The following BPIFA1 variants were observed in gnomAD, a reference collection of about 807,000 sequenced individuals.
The protein encoded by BPIFA1 is BPI fold-containing family A member 1.
A neutral mutation model predicts 25.1 loss-of-function variants in BPIFA1; 24 were observed. The ratio of observed to expected loss-of-function variants is 0.96; its 90% confidence interval spans 0.69 to 1.35. BPIFA1 has a LOEUF of 1.35. BPIFA1 is among the 40% of genes most tolerant of loss of function. The pLI, the probability that BPIFA1 is intolerant of heterozygous loss-of-function variation, is 0.00. For missense variants in BPIFA1, 344 were observed against 303.7 expected (o/e 1.13, Z -0.99); for synonymous variants, 139 against 131.8 (o/e 1.05, Z -0.37).
intron 8 of BPIFA1, among the ~76,000 whole-genome samples, chr20:33,242,883 C>G (rs1193164373): frequency 6.6e-6 from 1 of 152,084 alleles, no homozygotes; most frequent in African/African-American, 2.4e-5. Flanking sequence ...CACACACACT[C>G]TCACCCAGCA....
intron 3 of BPIFA1, 54 bp downstream of exon 3, chr20:33,238,268 A>G (rs1978794980): frequency 3.2e-6 from 5 of 1,561,274 alleles, no homozygotes; most frequent in South Asian, 2.4e-5. Flanking sequence ...CCAGGTGAAG[A>G]TCTGCCAGCC....
At chr20:33,238,023 T>C in intron 2 of BPIFA1, 32 bp from the exon 3 acceptor site, 2 of 1,596,198 alleles carry the variant, frequency 1.3e-6, no homozygotes, top group Non-Finnish European at 8.5e-7. Context: ...TTGTCAGATC[T>C]GACCCCCAGA....
At position 33,242,577 on chromosome 20, in the gene BPIFA1, CA is replaced by C. The variant is rs756252206; in HGVS notation, c.*34+17del. On this transcript the variant is annotated intron_variant, in intron 8 of 8. Transcript: ENST00000354297. Reference sequence around the variant, plus strand: ...TGCTGAGCTGGTAAGTGCCCTTCCCCACACCCCAGGGTTTTGGGGGCTGGCT... The same window carrying C: ...TGCTGAGCTGGTAAGTGCCCTTCCCCCACCCCAGGGTTTTGGGGGCTGGCT... The C allele has an allele frequency of 3.2e-6, 5 of 1,585,866 alleles. No homozygotes were observed. In the Admixed American group the frequency reaches 8.3e-5, roughly 26 times the overall value.
Position 33,238,080 on chromosome 20 carries a change from G to A in BPIFA1, c.186G>A (p.Gly62=), listed in dbSNP as rs1197258337. Residue 62 remains glycine (G), a synonymous_variant, in exon 3 of 9, where the codon GGG becomes GGA. Transcript: ENST00000354297. ...TNALSNGLLS[G]GLLGILENLP... ...CCCTCAGCAATGGCCTGCTGTCTGG[G>A]GGCCTGTTGGGCATTCTGGAAAACC... The A allele has an allele frequency of 3.7e-6, 6 of 1,613,810 alleles. No homozygotes were observed. Among genetic ancestry groups the A allele is most frequent in the Non-Finnish European group, 5.1e-6 (6 of 1,179,914 alleles).
chr20:33,241,091 C>G (rs1978958063), intron 5 of BPIFA1, among the ~76,000 whole-genome samples: 1 of 152,180 alleles, frequency 6.6e-6, no homozygotes, highest in Non-Finnish European at 1.5e-5. Flanking sequence ...ATCATAATGA[C>G]AACTACATAC....
chr20:33,239,122 T>C (rs1034167404), intron 3 of BPIFA1, among the ~76,000 whole-genome samples: 1 of 152,078 alleles, frequency 6.6e-6, no homozygotes, highest in Non-Finnish European at 1.5e-5. Flanking sequence ...CCCTGCTTGA[T>C]GGGTGCGGTC....
intron 8 of BPIFA1, among the ~76,000 whole-genome samples, 193 bp downstream of exon 8, chr20:33,242,754 G>A (rs1979044356): frequency 6.6e-6 from 1 of 152,138 alleles, no homozygotes; most frequent in South Asian, 2.1e-4. Context: ...CAGCAACACA[G>A]CTACCAAGAG....
Position 33,237,701 on chromosome 20 carries a change from T to C in BPIFA1, c.-11T>C. The C allele has an allele frequency of 6.9e-7, 1 of 1,446,824 alleles. No individual in the cohort carries two copies. The highest frequency in any genetic ancestry group is 9.1e-7 in the Non-Finnish European group (1 of 1,096,120). 89.6% of individuals were successfully genotyped at this position (1,446,824 alleles called of 1,614,324 possible). On this transcript the variant is annotated 5_prime_UTR_variant, in exon 2 of 9. Transcript: ENST00000354297. The stretch of plus-strand genomic sequence containing the variant: ...GACTTGTCATTCTGGCCACAGATAC[T>C]AAGAGCAAAGATGTTTCAAACTGGG...
Position 33,242,116 on chromosome 20 carries a change from G to C in BPIFA1, c.727G>C (p.Val243Leu), listed in dbSNP as rs1329806181. ...GLDITLVHDI[V>L]NMLIHGLQFV... is the part of the protein sequence containing the mutation. ...GGACATCACCCTGGTGCATGACATTGTTAGTAAGTACCTGCTTTCAAGCCC... is the reference window on the plus strand; with the variant it reads ...GGACATCACCCTGGTGCATGACATTCTTAGTAAGTACCTGCTTTCAAGCCC... Residue 243 changes from valine (V) to leucine (L), a missense_variant, in exon 7 of 9, where the codon GTT (valine) becomes CTT (leucine). Transcript: ENST00000354297. The C allele has an allele frequency of 1.2e-6, 2 of 1,613,910 alleles. No individual in the cohort carries two copies. Among genetic ancestry groups the C allele is most frequent in the South Asian group, 1.1e-5 (1 of 91,072 alleles).
rs750552385 is a variant in BPIFA1 at position 33,242,540 on chromosome 20, G to T, written c.*13G>T. 6.2e-7 allele frequency: 1 copy of T among 1,613,886 alleles called. No homozygotes were observed. The highest frequency in any genetic ancestry group is 1.1e-5 in the South Asian group (1 of 91,072). ...CATCAAGGTCTAAGCCTTCCAGGAAGGGGCTGGCCTCTGCTGAGCTGGTAA... is the reference window on the plus strand; with the variant it reads ...CATCAAGGTCTAAGCCTTCCAGGAATGGGCTGGCCTCTGCTGAGCTGGTAA... On this transcript the variant is annotated 3_prime_UTR_variant, in exon 8 of 9. Coordinates refer to ENST00000354297, the MANE Select transcript of BPIFA1 (RefSeq NM_130852.3).
At position 33,242,111 on chromosome 20, in the gene BPIFA1, A is replaced by T; in HGVS notation, c.722A>T (p.Asp241Val). 6.2e-7 allele frequency: 1 copy of T among 1,614,078 alleles called. No individual in the cohort carries two copies. The highest frequency in any genetic ancestry group is 1.3e-5 in the African/African-American group (1 of 75,030). ...GGCTTGGACATCACCCTGGTGCATG[A>T]CATTGTTAGTAAGTACCTGCTTTCA... ...LRGLDITLVH[D>V]IVNMLIHGLQ... is the part of the protein sequence containing the mutation. The change falls in exon 7 of 9, where the codon GAC becomes GTC. Residue 241 changes from aspartate (D) to valine (V), a missense_variant. Asp to Val is a radical substitution (Grantham distance 152, BLOSUM62 -3). Transcript: ENST00000354297.
At position 33,242,553 on chromosome 20, in the gene BPIFA1, G is replaced by C; in HGVS notation, c.*26G>C. On this transcript the variant is annotated 3_prime_UTR_variant, in exon 8 of 9. Coordinates refer to ENST00000354297, the MANE Select transcript of BPIFA1 (RefSeq NM_130852.3). ...GCCTTCCAGGAAGGGGCTGGCCTCT[G>C]CTGAGCTGGTAAGTGCCCTTCCCCA... is the stretch of plus-strand genomic sequence containing the variant. 6.2e-7 allele frequency: 1 copy of C among 1,612,744 alleles called. No individual in the cohort carries two copies. Among genetic ancestry groups the C allele is most frequent in the Non-Finnish European group, 8.5e-7 (1 of 1,178,760 alleles).
chr20:33,242,617 T>C lies in BPIFA1; in HGVS notation c.*34+56T>C, dbSNP rs1008054001. 94 of 1,318,006 alleles carry C rather than the reference T, an allele frequency of 7.1e-5. No individual in the cohort carries two copies. The Middle Eastern group carries it at 1.7e-3, about 24-fold the overall frequency. The allele number at this position is 1,318,006 out of a possible 1,614,324, so 81.6% of individuals were successfully genotyped here. A position where few individuals can be genotyped will look rare whatever the true frequency, so the allele number is the denominator to read the frequency against. On this transcript the variant is annotated intron_variant, in intron 8 of 8. Transcript: ENST00000354297. ...TGGGGGCTGGCTGTTCTTCTCCTGG[T>C]AGAAGGCAGACGGGAGCTTGGGACA...
Position 33,240,344 on chromosome 20 carries a change from C to T in BPIFA1, c.540C>T (p.Cys180=), listed in dbSNP as rs774352860. Reference sequence around the variant, plus strand: ...GGATCCACCTGGTCCTTGGTGACTGCACCCATTCCCCTGGAAGCCTGCAAA... The same window carrying T: ...GGATCCACCTGGTCCTTGGTGACTGTACCCATTCCCCTGGAAGCCTGCAAA... ...QERIHLVLGD[C]THSPGSLQIS... is the part of the protein sequence containing the mutation. Residue 180 remains cysteine, a synonymous_variant, in exon 5 of 9, where the codon TGC becomes TGT. Transcript: ENST00000354297. 1.2e-6 allele frequency: 2 copies of T among 1,614,008 alleles called. No individual in the cohort carries two copies. The highest frequency in any genetic ancestry group is 1.3e-5 in the African/African-American group (1 of 74,892).
At chr20:33,242,215 C>T (rs1979012808) in intron 7 of BPIFA1, 96 bp downstream of exon 7, 4 of 1,279,988 alleles carry the variant, frequency 3.1e-6, no homozygotes, top group African/African-American at 2.9e-5. Context: ...TACTAGGTCC[C>T]TCTGGCCTCA....
chr20:33,241,823 C>T (rs1038265889), intron 6 of BPIFA1, among the ~76,000 whole-genome samples: 1 of 152,218 alleles, frequency 6.6e-6, no homozygotes, highest in Admixed American at 6.5e-5. Flanking sequence ...CACTTAGAAT[C>T]AGATGTGATG....
chr20:33,239,349 C>T (rs578084354), intron 3 of BPIFA1, among the ~76,000 whole-genome samples: 14 of 152,318 alleles, frequency 9.2e-5, no homozygotes, highest in African/African-American at 3.1e-4. Context: ...GTTGCACCTG[C>T]ATCATCCATT....
At chr20:33,242,681 C>A (rs1979040707) in intron 8 of BPIFA1, 120 bp downstream of exon 8, 2 of 728,924 alleles carry the variant, frequency 2.7e-6, no homozygotes, top group South Asian at 1.7e-5. Flanking sequence ...TACAGAGGTA[C>A]ACACAGGGAT....
chr20:33,237,639 G>A (rs930679066), intron 1 of BPIFA1, 58 bp from the exon 2 acceptor site: 3 of 1,333,366 alleles, frequency 2.2e-6, no homozygotes, highest in Non-Finnish European at 2.9e-6. Flanking sequence ...CAGGGCAGGT[G>A]GTGGATAAAT....
Sources: gnomAD v4.1 joint callset for allele counts (sites outside exome capture counted in the v4.1 genomes callset) on GRCh38, gnomAD v4.1.1 for gene constraint, MANE v1.5 for transcripts, NCBI Gene and HGNC (gene_info 2026-07-23, HGNC 2026-07-21) for gene names.